Variants in ABCG1 observed in about 807,000 individuals in gnomAD.
ABCG1 encodes ATP-binding cassette sub-family G member 1.
ABCG1 carries 29 observed loss-of-function variants against 69.2 expected under a neutral mutation model. The ratio of observed to expected loss-of-function variants is 0.42; its 90% CI spans 0.31 to 0.57. The LOEUF (loss-of-function observed/expected upper bound fraction) is 0.57, where lower values mean the gene tolerates loss of function less well. Among genes scored for constraint, ABCG1 ranks in the 20% least tolerant of loss-of-function variants. ABCG1 has a pLI of 0.15. For missense variants in ABCG1, 718 were observed against 898.1 expected, an observed-to-expected ratio of 0.80 and a Z score of 2.56; for synonymous variants, 370 against 374.8, an observed-to-expected ratio of 0.99 and a Z score of 0.15.
At chr21:42,236,933 C>T (rs1361893469) in intron 2 of ABCG1, among the ~76,000 whole-genome samples, 1 of 152,214 alleles carries the variant, frequency 6.6e-6, no homozygotes, top group African/African-American at 2.4e-5. Flanking sequence ...TTAAGAATTA[C>T]AGCAGAAGCT....
chr21:42,233,036 C>T (rs971792940), intron 2 of ABCG1, among the ~76,000 whole-genome samples: 1 of 152,242 alleles, frequency 6.6e-6, no homozygotes, highest in African/African-American at 2.4e-5. Flanking sequence ...AGGAAACTTA[C>T]TCTCAAATAC....
At position 42,252,859 on chromosome 21, in the gene ABCG1, C is replaced by G. The variant is rs183845988; in HGVS notation, c.287-18211C>G. 1.1e-4 allele frequency among the ~76,000 whole-genome samples: 16 copies of G among 152,286 alleles called. No individual in the cohort carries two copies. The East Asian group carries it at 3.1e-3, about 29-fold the overall frequency. ...GGAAAGCCATCAGAGGGAAGCCCTC[C>G]TCCCTGACATCATCCCCGCCCAGGT... On this transcript the variant is annotated intron_variant, in intron 2 of 14. Transcript: ENST00000398449.
At chr21:42,278,620 C>T (rs2068751289) in intron 5 of ABCG1, among the ~76,000 whole-genome samples, 2 of 152,340 alleles carry the variant, frequency 1.3e-5, no homozygotes, top group African/African-American at 2.4e-5. Context: ...ACCAACCCTG[C>T]TGCCCTCGAT....
At chr21:42,209,815 T>C (rs2067572224) in intron 2 of ABCG1, among the ~76,000 whole-genome samples, 1 of 152,254 alleles carries the variant, frequency 6.6e-6, no homozygotes, top group South Asian at 2.1e-4. Flanking sequence ...AACAGTCTTC[T>C]GAGGTGAACA....
At chr21:42,293,080 A>ACACTACACACCC in intron 13 of ABCG1, among the ~76,000 whole-genome samples, 2 of 25,980 alleles carry the variant, frequency 7.7e-5, no homozygotes, top group Non-Finnish European at 7.8e-5. Context: ...CACACACACC[A>ACACTACACACCC]CACACACTAC....
chr21:42,216,769 G>T (rs1005811365), upstream of ABCG1, among the ~76,000 whole-genome samples: 1 of 152,210 alleles, frequency 6.6e-6, no homozygotes, highest in African/African-American at 2.4e-5. Context: ...ACAACCAAGA[G>T]CCTTGATAGG....
intron 2 of ABCG1, among the ~76,000 whole-genome samples, chr21:42,239,294 C>T (rs971362101): frequency 1.3e-5 from 2 of 152,202 alleles, no homozygotes; most frequent in South Asian, 4.1e-4. Flanking sequence ...TAGCTTGATA[C>T]CTGTGAAGCA....
intron 1 of ABCG1, chr21:42,220,178 C>T: frequency 1.4e-6 from 1 of 729,792 alleles, no homozygotes; most frequent in Non-Finnish European, 2.3e-6. Flanking sequence ...ATGTCTACGC[C>T]CAGCACACCA....
rs1300942773 is a variant in ABCG1 at position 42,291,252 on chromosome 21, A to G, written c.1494+60A>G. On this transcript the variant is annotated intron_variant, in intron 12 of 14. Coordinates refer to ENST00000398449, the MANE Select transcript of ABCG1 (RefSeq NM_016818.3). The surrounding 1 kb of genome is among the most constrained non-coding windows in gnomAD (Gnocchi z 6.4). The stretch of plus-strand genomic sequence containing the variant: ...GCAAGAGTTCTCCTGTACACCCTTT[A>G]TATCGAGTAAGAGGACCTGCCAGGG... 1 of 1,394,716 alleles carries G rather than the reference A, an allele frequency of 7.2e-7. No individual in the cohort carries two copies. Among genetic ancestry groups the G allele is most frequent in the East Asian group, 2.3e-5 (1 of 42,984 alleles). 86.4% of individuals were successfully genotyped at this position (1,394,716 alleles called of 1,614,324 possible).
At chr21:42,270,647 T>C (rs1209052089) in intron 2 of ABCG1, among the ~76,000 whole-genome samples, 1 of 152,216 alleles carries the variant, frequency 6.6e-6, no homozygotes, top group South Asian at 2.1e-4. Flanking sequence ...AACAGACACA[T>C]GCATGGCATC....
intron 2 of ABCG1, among the ~76,000 whole-genome samples, chr21:42,232,118 T>A (rs2067909838): frequency 6.6e-6 from 1 of 152,204 alleles, no homozygotes; most frequent in Non-Finnish European, 1.5e-5. Flanking sequence ...TCTGGAACAG[T>A]TCTGACCCCT....
Position 42,276,854 on chromosome 21 carries a change from C to T in ABCG1, c.538-41C>T, listed in dbSNP as rs776802807. 13 of 1,609,858 alleles carry T rather than the reference C, an allele frequency of 8.1e-6. No individual in the cohort carries two copies. The highest frequency in any genetic ancestry group is 1.3e-5 in the African/African-American group (1 of 74,950). Reference sequence around the variant, plus strand: ...GCATGAGGCTCACACTGCCAGTGGCCGTCTGTTCTGCTTCCACACTGTTGT... The same window carrying T: ...GCATGAGGCTCACACTGCCAGTGGCTGTCTGTTCTGCTTCCACACTGTTGT... On this transcript the variant is annotated intron_variant, in intron 4 of 14. Coordinates refer to ENST00000398449, the MANE Select transcript of ABCG1 (RefSeq NM_016818.3). This position sits in a 1 kb window ranked among gnomAD's most constrained non-coding sequence, Gnocchi z 5.3.
At chr21:42,201,240 G>A (rs2067503790) in intron 1 of ABCG1, among the ~76,000 whole-genome samples, 1 of 152,042 alleles carries the variant, frequency 6.6e-6, no homozygotes, top group Non-Finnish European at 1.5e-5. Flanking sequence ...CCCAGCACGA[G>A]CACCAGCACC....
rs1389930357 is a variant in ABCG1 at position 42,248,844 on chromosome 21, C to T, written c.287-22226C>T. Among the ~76,000 whole-genome samples the T allele has an allele frequency of 5.5e-5, 8 of 144,300 alleles. No homozygotes were observed. The East Asian group carries it at 6.1e-4, about 11-fold the overall frequency. The allele number at this position is 144,300 out of a possible 152,430, so 94.7% of individuals were successfully genotyped here. A position where few individuals can be genotyped will look rare whatever the true frequency, so the allele number is the denominator to read the frequency against. ...TTTTGAGCCAGGGAGATTGAGGTTGCGGTGAGCCATGATTGTGCCACTGCA... is the reference window on the plus strand; with the variant it reads ...TTTTGAGCCAGGGAGATTGAGGTTGTGGTGAGCCATGATTGTGCCACTGCA... On this transcript the variant is annotated intron_variant, in intron 2 of 14. Coordinates refer to ENST00000398449, the MANE Select transcript of ABCG1 (RefSeq NM_016818.3).
At chr21:42,222,509 A>T (rs2067745259) in intron 1 of ABCG1, among the ~76,000 whole-genome samples, 1 of 152,212 alleles carries the variant, frequency 6.6e-6, no homozygotes. Flanking sequence ...TGGAAGGCTA[A>T]GCAATAGTCA....
Position 42,219,392 on chromosome 21 carries a change from C to A in ABCG1, c.42+88C>A. On this transcript the variant is annotated intron_variant, in intron 1 of 14. Transcript: ENST00000398449. This position sits in a 1 kb window ranked among gnomAD's most constrained non-coding sequence, Gnocchi z 5.3. ...ACAAAGACTCGCAAGCTCGACCTGA[C>A]ACCCCTCCCAGGAGCGCGTCCTCTG... 6.6e-7 allele frequency: 1 copy of A among 1,525,642 alleles called. No individual in the cohort carries two copies. The allele number at this position is 1,525,642 out of a possible 1,614,324, so 94.5% of individuals were successfully genotyped here. A position where few individuals can be genotyped will look rare whatever the true frequency, so the allele number is the denominator to read the frequency against.
intron 2 of ABCG1, among the ~76,000 whole-genome samples, chr21:42,234,844 C>A (rs1431654263): frequency 6.6e-6 from 1 of 151,246 alleles, no homozygotes; most frequent in East Asian, 1.9e-4. Context: ...CGCGCTGCCG[C>A]GCGTGTGCAG....
chr21:42,219,428 C>A lies in ABCG1; in HGVS notation c.42+124C>A. On this transcript the variant is annotated intron_variant, in intron 1 of 14. Transcript: ENST00000398449. This position sits in a 1 kb window ranked among gnomAD's most constrained non-coding sequence, Gnocchi z 5.3. Reference sequence around the variant, plus strand: ...GGAGCGCGTCCTCTGGGCGCTGACCCAGGGCACCCTAGAGTGGCGCCCGGC... The same window carrying A: ...GGAGCGCGTCCTCTGGGCGCTGACCAAGGGCACCCTAGAGTGGCGCCCGGC... The A allele has an allele frequency of 7.3e-7, 1 of 1,378,076 alleles. No homozygotes were observed. The highest frequency in any genetic ancestry group is 2.8e-5 in the East Asian group (1 of 35,300). The allele number at this position is 1,378,076 out of a possible 1,614,324, so 85.4% of individuals were successfully genotyped here.
intron 1 of ABCG1, among the ~76,000 whole-genome samples, chr21:42,220,421 G>GA (rs4148146): frequency 0.034 from 4,998 of 145,356 alleles, 102 homozygotes; most frequent in Non-Finnish European, 0.047. Flanking sequence ...GAGCTCAAGA[G>GA]AAAAAAAAAA....
Sources: gnomAD v4.1 joint callset for allele counts (sites outside exome capture counted in the v4.1 genomes callset) on GRCh38, gnomAD v4.1.1 for gene constraint, Gnocchi (gnomAD v3.1) non-coding constraint, MANE v1.5 for transcripts, NCBI Gene and HGNC (gene_info 2026-07-23, HGNC 2026-07-21) for gene names.